The following CACNG2 variants were observed in gnomAD, a reference collection of about 807,000 sequenced individuals.
The protein encoded by CACNG2 is voltage-dependent calcium channel gamma-2 subunit.
In CACNG2, 3 loss-of-function variants were observed where a neutral mutation model predicts 25.9. The observed-to-expected ratio is 0.12, with a 90% confidence interval of 0.05 to 0.30. CACNG2 has a LOEUF of 0.30. Ranked by LOEUF, CACNG2 falls within the 10% of genes least tolerant of loss-of-function variation. The pLI is 1.00. For missense variants in CACNG2, 341 were observed against 432.5 expected, an observed-to-expected ratio of 0.79 and a Z score of 1.88; for synonymous variants, 167 against 173.3, an observed-to-expected ratio of 0.96 and a Z score of 0.29.
At position 36,564,319 on chromosome 22, in the gene CACNG2, C is replaced by T. The variant is rs977049581; in HGVS notation, c.*32G>A. The T allele has an allele frequency of 3.8e-6, 6 of 1,592,048 alleles. No homozygotes were observed. The African/African-American group carries it at 4.0e-5, about 11-fold the overall frequency. Reference sequence around the variant, plus strand: ...CCCCGCCCCCGGGGACCGCGCCCTCCTCCCGCGGTCTTCTGGCGAGGCCCG... The same window carrying T: ...CCCCGCCCCCGGGGACCGCGCCCTCTTCCCGCGGTCTTCTGGCGAGGCCCG... On this transcript the variant is annotated 3_prime_UTR_variant, in exon 4 of 4. Transcript: ENST00000300105. This position sits in a 1 kb window ranked among gnomAD's most constrained non-coding sequence, Gnocchi z 6.7.
intron 1 of CACNG2, among the ~76,000 whole-genome samples, chr22:36,676,209 C>G (rs901493873): frequency 6.6e-6 from 1 of 152,222 alleles, no homozygotes; most frequent in Non-Finnish European, 1.5e-5. Context: ...TTTGATCTTG[C>G]TCTCTCTGTA....
intron 2 of CACNG2, among the ~76,000 whole-genome samples, chr22:36,577,230 C>A (rs953841790): frequency 6.6e-6 from 1 of 152,194 alleles, no homozygotes; most frequent in Admixed American, 6.5e-5. Flanking sequence ...GCTCATCATT[C>A]CAGCGGAGCA....
In CACNG2 at chr22:36,563,914, AT is replaced by A. The variant is rs11449173; in HGVS notation, c.*436del. ...GACATCCCCTTTCCTTTCTGTTCTC[AT>A]TTTTTTTTTTTTTGCTTTAATGTTA... On this transcript the variant is annotated 3_prime_UTR_variant, in exon 4 of 4. Coordinates refer to ENST00000300105, the MANE Select transcript of CACNG2 (RefSeq NM_006078.5). 40,378 of 135,020 alleles carry A rather than the reference AT, an allele frequency of 0.3. 6,090 individuals carry two copies. Among genetic ancestry groups the A allele is most frequent in the African/African-American group, 0.41 (15,018 of 37,052 alleles). The allele number at this position is 135,020 out of a possible 1,614,324, so 8.4% of individuals were successfully genotyped here.
intron 1 of CACNG2, among the ~76,000 whole-genome samples, chr22:36,590,115 C>T (rs1392678048): frequency 1.3e-5 from 2 of 152,154 alleles, no homozygotes; most frequent in Non-Finnish European, 2.9e-5. Flanking sequence ...TGGGCCACAC[C>T]CGCTCCTGTT....
At chr22:36,580,905 A>G (rs1357819793) in intron 2 of CACNG2, among the ~76,000 whole-genome samples, 3 of 152,118 alleles carry the variant, frequency 2.0e-5, no homozygotes, top group Admixed American at 2.0e-4. Context: ...GTGCAAACAC[A>G]CAAGCGCTTA....
intron 2 of CACNG2, among the ~76,000 whole-genome samples, chr22:36,571,146 G>T (rs138300071): frequency 6.6e-6 from 1 of 152,258 alleles, no homozygotes; most frequent in East Asian, 1.9e-4. Flanking sequence ...AGGCCCAGCG[G>T]CATTGGCATC....
intron 1 of CACNG2, among the ~76,000 whole-genome samples, chr22:36,677,749 T>C (rs1937038069): frequency 6.6e-6 from 1 of 152,128 alleles, no homozygotes; most frequent in South Asian, 2.1e-4. Flanking sequence ...GTGGTGCCGT[T>C]CAACCAAATG....
intron 1 of CACNG2, among the ~76,000 whole-genome samples, chr22:36,691,845 T>C (rs2899270): frequency 6.6e-6 from 1 of 152,182 alleles, no homozygotes; most frequent in African/African-American, 2.4e-5. Context: ...CTATTAGTAT[T>C]GAAGTGATGG....
chr22:36,621,229 C>T (rs745993948), intron 1 of CACNG2, among the ~76,000 whole-genome samples: 5 of 152,110 alleles, frequency 3.3e-5, no homozygotes, highest in Non-Finnish European at 4.4e-5. Flanking sequence ...AAAGATTGGC[C>T]GGGTGCGGGG....
At chr22:36,613,796 T>C (rs1935980863) in intron 1 of CACNG2, among the ~76,000 whole-genome samples, 1 of 152,078 alleles carries the variant, frequency 6.6e-6, no homozygotes, top group South Asian at 2.1e-4. Flanking sequence ...GAACTTAGTG[T>C]CCATTTCCCC....
Position 36,645,536 on chromosome 22 carries a change from C to CAA in CACNG2, c.211+56828_211+56829dup, listed in dbSNP as rs200600420. Among the ~76,000 whole-genome samples, 937 of 134,560 alleles carry CAA rather than the reference C, an allele frequency of 7.0e-3. 41 individuals are homozygous for CAA. The highest frequency in any genetic ancestry group is 0.012 in the South Asian group (48 of 4,106). The allele number at this position is 134,560 out of a possible 152,430, so 88.3% of individuals were successfully genotyped here. ...TGGGCGACAGAGCAAGACTCTGTCT[C>CAA]AAAAAAAAAAAAAAAAAAAAAAAAA... is the stretch of plus-strand genomic sequence containing the variant. On this transcript the variant is annotated intron_variant, in intron 1 of 3. Coordinates refer to ENST00000300105, the MANE Select transcript of CACNG2 (RefSeq NM_006078.5).
intron 1 of CACNG2, among the ~76,000 whole-genome samples, chr22:36,635,446 A>G (rs1936342060): frequency 6.6e-6 from 1 of 152,192 alleles, no homozygotes; most frequent in African/African-American, 2.4e-5. Flanking sequence ...AAAAAGCTAC[A>G]AACGAGGACA....
intron 1 of CACNG2, among the ~76,000 whole-genome samples, chr22:36,599,401 A>G (rs570874716): frequency 6.6e-6 from 1 of 152,314 alleles, no homozygotes; most frequent in Admixed American, 6.5e-5. Flanking sequence ...ATAAACATCA[A>G]GTTTAAGAGT....
intron 1 of CACNG2, among the ~76,000 whole-genome samples, chr22:36,597,855 G>T (rs1399200489): frequency 2.0e-5 from 3 of 152,184 alleles, no homozygotes; most frequent in Admixed American, 6.5e-5. Flanking sequence ...CACACTTTGG[G>T]TTGGGTAGCG....
intron 1 of CACNG2, among the ~76,000 whole-genome samples, chr22:36,634,755 A>G (rs1936329166): frequency 6.6e-6 from 1 of 152,204 alleles, no homozygotes; most frequent in African/African-American, 2.4e-5. Flanking sequence ...AGGACTCAAG[A>G]AGTATAAAAC....
intron 2 of CACNG2, among the ~76,000 whole-genome samples, chr22:36,584,008 C>A (rs1337374092): frequency 6.6e-6 from 1 of 152,212 alleles, no homozygotes; most frequent in Non-Finnish European, 1.5e-5. Context: ...CCATCAGCTA[C>A]TCTCTTCCCC....
chr22:36,681,886 T>C (rs1175643282), intron 1 of CACNG2, among the ~76,000 whole-genome samples: 1 of 152,176 alleles, frequency 6.6e-6, no homozygotes, highest in Non-Finnish European at 1.5e-5. Flanking sequence ...GGCATGTGTA[T>C]GTTTCCTGTA....
At position 36,673,281 on chromosome 22, in the gene CACNG2, G is replaced by C. The variant is rs561426684; in HGVS notation, c.211+29085C>G. On this transcript the variant is annotated intron_variant, in intron 1 of 3. Transcript: ENST00000300105. ...ACTGAAGGAATGAATCTCCCAGAAA[G>C]CAAAGACAGCAAGGCGGGAAATGGG... Among the ~76,000 whole-genome samples the C allele has an allele frequency of 1.1e-4, 17 of 152,190 alleles. No homozygotes were observed. The South Asian group carries it at 2.1e-3, about 19-fold the overall frequency.
intron 1 of CACNG2, among the ~76,000 whole-genome samples, chr22:36,664,764 A>G (rs1046685378): frequency 2.6e-5 from 4 of 152,268 alleles, no homozygotes; most frequent in Non-Finnish European, 5.9e-5. Context: ...GCAATGTAAT[A>G]AAACAGAGTT....
Sources: allele counts gnomAD v4.1 joint callset (sites outside exome capture counted in the v4.1 genomes callset), GRCh38; gene constraint gnomAD v4.1.1; non-coding constraint Gnocchi (gnomAD v3.1); transcripts MANE v1.5; gene names NCBI Gene and HGNC (gene_info 2026-07-23, HGNC 2026-07-21).